TRAF3IP3: variants seen among roughly 807,000 people sequenced by gnomAD.
TRAF3IP3 encodes TRAF3-interacting JNK-activating modulator.
Under a neutral mutation model 86.5 loss-of-function variants are expected in TRAF3IP3, and 64 were observed. The ratio of observed to expected loss-of-function variants is 0.74; its 90% CI spans 0.60 to 0.91. TRAF3IP3 has a LOEUF of 0.91. TRAF3IP3 is among the 40% of genes least tolerant of loss of function. The probability of loss-of-function intolerance (pLI) is 0.00; values close to 1 mark genes in which losing one functional copy is unlikely to be tolerated. For synonymous variants in TRAF3IP3, 220 were observed against 243.9 expected, an observed-to-expected ratio of 0.90 and a Z score of 0.91; for missense variants, 579 against 642.9, an observed-to-expected ratio of 0.90 and a Z score of 1.07.
chr1:209,760,515 C>T (rs2077228066), intron 3 of TRAF3IP3, 131 bp downstream of exon 3: 4 of 756,354 alleles, frequency 5.3e-6, no homozygotes. Flanking sequence ...AGTAAAGTTG[C>T]CAAGAGCTAC....
chr1:209,756,523 C>T (rs1015288137), intron 1 of TRAF3IP3, among the ~76,000 whole-genome samples: 2 of 152,202 alleles, frequency 1.3e-5, no homozygotes, highest in Non-Finnish European at 2.9e-5. Flanking sequence ...CTCCTCTGTT[C>T]CAGTAGATTA....
intron 8 of TRAF3IP3, among the ~76,000 whole-genome samples, chr1:209,772,048 C>A (rs1025227473): frequency 7.1e-6 from 1 of 141,536 alleles, no homozygotes; most frequent in Admixed American, 7.9e-5. Context: ...GGTGTGTGTG[C>A]ACATGTGAAG....
chr1:209,780,704 A>C (rs1239553675), intron 15 of TRAF3IP3, 98 bp downstream of exon 15: 2 of 1,168,188 alleles, frequency 1.7e-6, no homozygotes, highest in Non-Finnish European at 2.3e-6. Context: ...TTAAGTTGTG[A>C]GTGGATAACC....
At chr1:209,768,943 G>A (rs977610068) in intron 8 of TRAF3IP3, among the ~76,000 whole-genome samples, 1 of 152,224 alleles carries the variant, frequency 6.6e-6, no homozygotes, top group East Asian at 1.9e-4. Flanking sequence ...CCAGACTTGG[G>A]TGGCCCTTCA....
Position 209,760,111 on chromosome 1 carries a change from G to A in TRAF3IP3, c.72G>A (p.Glu24=). 1.2e-6 allele frequency: 2 copies of A among 1,614,186 alleles called. No individual in the cohort carries two copies. Among genetic ancestry groups the A allele is most frequent in the African/African-American group, 1.3e-5 (1 of 75,076 alleles). The change falls in exon 3 of 17, where the codon GAG becomes GAA. Residue 24 remains glutamate, a synonymous_variant. Transcript: ENST00000367025. ...RWAESYEAKC[E]RRQEIRESRR... is the part of the protein sequence containing the mutation. The stretch of plus-strand genomic sequence containing the variant: ...CTGAGAGCTATGAGGCCAAGTGTGA[G>A]CGCAGGCAAGAGATCCGTGAAAGCC...
chr1:209,778,334 C>T (rs955202568), intron 13 of TRAF3IP3, 161 bp downstream of exon 13: 25 of 567,442 alleles, frequency 4.4e-5, no homozygotes, highest in Non-Finnish European at 6.0e-5. Context: ...ATTTACATAG[C>T]TCTCCATAAA....
chr1:209,761,723 T>C (rs1225532846), intron 3 of TRAF3IP3, among the ~76,000 whole-genome samples: 2 of 152,248 alleles, frequency 1.3e-5, no homozygotes, highest in Admixed American at 1.3e-4. Flanking sequence ...TTATGGATTA[T>C]CTATTCCAAA....
intron 8 of TRAF3IP3, among the ~76,000 whole-genome samples, chr1:209,771,643 A>G (rs544647781): frequency 7.2e-5 from 10 of 138,542 alleles, no homozygotes; most frequent in African/African-American, 2.8e-4. Flanking sequence ...GTGCGTGTGC[A>G]TGTGAAGGTG....
chr1:209,770,244 C>A (rs2077438841), intron 8 of TRAF3IP3, among the ~76,000 whole-genome samples: 1 of 152,234 alleles, frequency 6.6e-6, no homozygotes, highest in Admixed American at 6.5e-5. Context: ...TTTAATATCT[C>A]TCCGTTTCTT....
In TRAF3IP3 at chr1:209,781,662, C is replaced by G. The variant is rs1314449956; in HGVS notation, c.1563+204C>G. 40 of 512,708 alleles carry G rather than the reference C, an allele frequency of 7.8e-5. No homozygotes were observed. In the Admixed American group the frequency reaches 9.3e-4, roughly 12 times the overall value. The allele number at this position is 512,708 out of a possible 1,614,324, so 31.8% of individuals were successfully genotyped here. ...CAAAGCCCAACTTTCACAGAACTCT[C>G]AATGCCAGAAGGAAAGACTTACTCT... On this transcript the variant is annotated intron_variant, in intron 16 of 16. Transcript: ENST00000367025.
At position 209,780,475 on chromosome 1, in the gene TRAF3IP3, G is replaced by GC. The variant is rs755215848; in HGVS notation, c.1319dup (p.Leu441PhefsTer11). 1.5e-5 allele frequency: 24 copies of GC among 1,580,914 alleles called. No individual in the cohort carries two copies. In the East Asian group the frequency reaches 5.6e-4, roughly 37 times the overall value. ...GAATCTGGCTGCTTTTTTAGATCAG[G>GC]CTTTGCCCGTGTGGAGTCCAAAGTC... On this transcript the variant is annotated frameshift_variant, in exon 15 of 17. Coordinates refer to ENST00000367025, the MANE Select transcript of TRAF3IP3 (RefSeq NM_025228.4). LOFTEE classifies it high-confidence loss of function.
At chr1:209,773,136 T>C in intron 9 of TRAF3IP3, 117 bp downstream of exon 9, 2 of 853,264 alleles carry the variant, frequency 2.3e-6, no homozygotes, top group South Asian at 3.6e-5. Flanking sequence ...ACACACCCAT[T>C]CCTACTTACC....
At chr1:209,768,660 G>A (rs2077402396) in intron 8 of TRAF3IP3, 1 of 985,534 alleles carries the variant, frequency 1.0e-6, no homozygotes, top group Admixed American at 6.1e-5. Flanking sequence ...ACCGGCACCA[G>A]GTGTGTATGG....
Position 209,760,070 on chromosome 1 carries a change from G to C in TRAF3IP3, c.31G>C (p.Gly11Arg). The C allele has an allele frequency of 6.2e-7, 1 of 1,614,034 alleles. No individual in the cohort carries two copies. Among genetic ancestry groups the C allele is most frequent in the Non-Finnish European group, 8.5e-7 (1 of 1,179,950 alleles). MISPDPRPSP[G>R]LARWAESYEA... is the part of the protein sequence containing the mutation. ...CAGCCCAGACCCCAGGCCCTCCCCT[G>C]GCTTGGCCCGGTGGGCTGAGAGCTA... The change falls in exon 3 of 17, where the codon GGC (glycine) becomes CGC (arginine). Residue 11 changes from glycine (G) to arginine (R), a missense_variant. Transcript: ENST00000367025.
Position 209,768,039 on chromosome 1 carries a change from A to G in TRAF3IP3, c.702+4452A>G, listed in dbSNP as rs575546821. 3.5e-5 allele frequency: 25 copies of G among 716,820 alleles called. No homozygotes were observed. The South Asian group carries it at 1.4e-3, about 40-fold the overall frequency. The allele number at this position is 716,820 out of a possible 1,614,324, so 44.4% of individuals were successfully genotyped here. A position where few individuals can be genotyped will look rare whatever the true frequency, so the allele number is the denominator to read the frequency against. On this transcript the variant is annotated intron_variant, in intron 8 of 16. Coordinates refer to ENST00000367025, the MANE Select transcript of TRAF3IP3 (RefSeq NM_025228.4). ...AAGAAAAACAGTCTCAGACTTTTTC[A>G]GTTAACAGCTATTGTTTCCCCTAAA... is the stretch of plus-strand genomic sequence containing the variant.
intron 13 of TRAF3IP3, chr1:209,778,955 G>T (rs61578995): frequency 0.023 from 6,259 of 276,714 alleles, 382 homozygotes; most frequent in African/African-American, 0.13. Flanking sequence ...CTATCCCAGG[G>T]CTCTTTCCTT....
At chr1:209,765,199 GA>G (rs2077322202) in intron 8 of TRAF3IP3, among the ~76,000 whole-genome samples, 3 of 117,330 alleles carry the variant, frequency 2.6e-5, no homozygotes, top group African/African-American at 3.9e-5. Context: ...GAGAGAGAGA[GA>G]GAGAGAGAGA....
At position 209,777,377 on chromosome 1, in the gene TRAF3IP3, T is replaced by C. The variant is rs1571960407; in HGVS notation, c.1079T>C (p.Met360Thr). Residue 360 changes from methionine to threonine, a missense_variant, in exon 12 of 17, where the codon ATG (methionine) becomes ACG (threonine). Physicochemically the swap from Met to Thr is moderately conservative, Grantham distance 81 (BLOSUM62 -1). Transcript: ENST00000367025. Reference protein sequence around the residue: ...LQGADSRDLQMNQALRFLENE... With the variant: ...LQGADSRDLQTNQALRFLENE... ...GGAGCAGATAGCAGGGACTTACAGA[T>C]GAACCAGGCCCTGCGATTTTTGGAA... 1.2e-6 allele frequency: 2 copies of C among 1,613,860 alleles called. No homozygotes were observed. Among genetic ancestry groups the C allele is most frequent in the African/African-American group, 1.3e-5 (1 of 74,894 alleles).
chr1:209,769,987 G>A (rs979784198), intron 8 of TRAF3IP3, among the ~76,000 whole-genome samples: 1 of 152,134 alleles, frequency 6.6e-6, no homozygotes, highest in Non-Finnish European at 1.5e-5. Flanking sequence ...CCCCTACCTG[G>A]GCAAAAGGGG....
Sources: allele counts gnomAD v4.1 joint callset (sites outside exome capture counted in the v4.1 genomes callset), GRCh38; gene constraint gnomAD v4.1.1; transcripts MANE v1.5; gene names NCBI Gene and HGNC (gene_info 2026-07-23, HGNC 2026-07-21).